CCDC171: variants seen among roughly 807,000 people sequenced by gnomAD.
CCDC171 encodes coiled-coil domain containing 171, also known as coiled-coil domain-containing protein 171.
CCDC171 carries 177 observed loss-of-function variants against 168.2 expected under a neutral mutation model. That is an observed-to-expected ratio of 1.05 (90% CI 0.93 to 1.19). The LOEUF is 1.19. Among genes scored for constraint, CCDC171 ranks in the 50% most tolerant of loss-of-function variants. CCDC171 has a pLI of 0.00. For synonymous variants in CCDC171, 687 were observed against 540.8 expected, an observed-to-expected ratio of 1.27 and a Z score of -3.75; for missense variants, 1,991 against 1,539.0, an observed-to-expected ratio of 1.29 and a Z score of -4.91.
At chr9:15,806,262 G>A (rs1416059980) in intron 21 of CCDC171, among the ~76,000 whole-genome samples, 1 of 150,052 alleles carries the variant, frequency 6.7e-6, no homozygotes, top group Non-Finnish European at 1.5e-5. Flanking sequence ...ATGTGTAGAT[G>A]TGGTCCTGTC....
intron 25 of CCDC171, among the ~76,000 whole-genome samples, chr9:15,952,741 G>A (rs1024679330): frequency 2.6e-5 from 4 of 152,142 alleles, no homozygotes; most frequent in Non-Finnish European, 5.9e-5. Flanking sequence ...ATTTTGATAG[G>A]GAGTGCATCG....
downstream of CCDC171, chr9:16,061,395 A>C (rs752266101): frequency 1.3e-5 from 2 of 152,162 alleles, no homozygotes; most frequent in Non-Finnish European, 2.9e-5. Flanking sequence ...CAAACACTCC[A>C]TTGAGTCTTA....
At chr9:15,715,609 A>G (rs994097701) in intron 11 of CCDC171, among the ~76,000 whole-genome samples, 1 of 152,194 alleles carries the variant, frequency 6.6e-6, no homozygotes, top group African/African-American at 2.4e-5. Context: ...CTCATATCCT[A>G]TATTGATAGC....
intron 3 of CCDC171, among the ~76,000 whole-genome samples, chr9:16,018,187 A>G (rs778065268): frequency 1.2e-4 from 18 of 152,194 alleles, no homozygotes; most frequent in Non-Finnish European, 2.5e-4. Flanking sequence ...TTAGCCTATT[A>G]GATGAATTGT....
At chr9:15,692,413 T>G (rs1291671124) in intron 10 of CCDC171, among the ~76,000 whole-genome samples, 2 of 151,962 alleles carry the variant, frequency 1.3e-5, no homozygotes, top group Non-Finnish European at 2.9e-5. Flanking sequence ...GCTTATTTAC[T>G]TTTTACTCTT....
chr9:15,923,552 A>G (rs1159108303), intron 25 of CCDC171, among the ~76,000 whole-genome samples: 1 of 151,368 alleles, frequency 6.6e-6, no homozygotes, highest in Non-Finnish European at 1.5e-5. Context: ...AATTACAGTT[A>G]GGTAGGAGAA....
chr9:15,934,315 A>C (rs1229140768), intron 25 of CCDC171, among the ~76,000 whole-genome samples: 1 of 149,592 alleles, frequency 6.7e-6, no homozygotes. Context: ...GCTTGAGCCC[A>C]GGAATTGAAG....
intron 4 of CCDC171, among the ~76,000 whole-genome samples, chr9:15,586,002 A>T (rs1319502639): frequency 1.3e-5 from 2 of 152,154 alleles, no homozygotes; most frequent in Non-Finnish European, 2.9e-5. Context: ...AAACTCCTTG[A>T]ACAGTACACT....
At chr9:15,782,222 C>T (rs968654823) in intron 20 of CCDC171, among the ~76,000 whole-genome samples, 1 of 152,194 alleles carries the variant, frequency 6.6e-6, no homozygotes, top group Non-Finnish European at 1.5e-5. Flanking sequence ...AAACATCCTG[C>T]TCACCGAAAG....
intron 7 of CCDC171, among the ~76,000 whole-genome samples, chr9:15,646,095 A>G (rs1379157875): frequency 6.6e-6 from 1 of 152,236 alleles, no homozygotes; most frequent in African/African-American, 2.4e-5. Flanking sequence ...CCAATATTCA[A>G]CATGCTTAAA....
chr9:16,031,038 G>C (rs1379241996), intron 6 of CCDC171, among the ~76,000 whole-genome samples: 1 of 152,200 alleles, frequency 6.6e-6, no homozygotes, highest in African/African-American at 2.4e-5. Context: ...TTGAGTTTAA[G>C]AAATCACTTA....
chr9:15,641,648 A>T (rs1284873576), intron 7 of CCDC171, among the ~76,000 whole-genome samples: 3 of 152,146 alleles, frequency 2.0e-5, no homozygotes, highest in Non-Finnish European at 4.4e-5. Flanking sequence ...TCTTCTCTAT[A>T]TTGCCCTCTT....
chr9:15,757,539 G>A (rs6474966), intron 18 of CCDC171, among the ~76,000 whole-genome samples: 75,407 of 152,034 alleles, frequency 0.5, 19,151 homozygotes, highest in East Asian at 0.76. Flanking sequence ...TGACAATGTG[G>A]TAGACAGAAA....
At chr9:15,586,599 T>C (rs994754407) in intron 4 of CCDC171, among the ~76,000 whole-genome samples, 4 of 152,184 alleles carry the variant, frequency 2.6e-5, no homozygotes, top group African/African-American at 9.7e-5. Context: ...TAGGGTTAGA[T>C]GAAAGCTGTT....
intron 25 of CCDC171, among the ~76,000 whole-genome samples, chr9:15,951,074 G>A (rs10962239): frequency 3.5e-5 from 5 of 141,872 alleles, no homozygotes; most frequent in South Asian, 2.4e-4. Flanking sequence ...GAAGAGCTAG[G>A]TATCCTAAAT....
chr9:15,603,414 C>A (rs143969430), intron 6 of CCDC171, among the ~76,000 whole-genome samples: 3 of 152,148 alleles, frequency 2.0e-5, no homozygotes, highest in Admixed American at 6.6e-5. Flanking sequence ...CTTCACTCCA[C>A]CCTTGACAGG....
At chr9:16,083,509 G>T in the CCDC171 span, among the ~76,000 whole-genome samples, 1 of 152,126 alleles carries the variant, frequency 6.6e-6, no homozygotes, top group African/African-American at 2.4e-5. Context: ...ATATTCCATT[G>T]AGATTTTCAA....
At chr9:15,718,228 C>T (rs1183704839) in intron 11 of CCDC171, among the ~76,000 whole-genome samples, 2 of 152,204 alleles carry the variant, frequency 1.3e-5, no homozygotes, top group African/African-American at 2.4e-5. Context: ...GCAGTGGTGG[C>T]CAGGGGGAGA....
chr9:15,570,777 C>T (rs750181223), intron 2 of CCDC171, among the ~76,000 whole-genome samples: 3 of 152,140 alleles, frequency 2.0e-5, no homozygotes, highest in Admixed American at 6.6e-5. Context: ...AACTCTAGAG[C>T]GCTCTTTCCT....
Sources: gnomAD v4.1 joint callset for allele counts (sites outside exome capture counted in the v4.1 genomes callset) on GRCh38, gnomAD v4.1.1 for gene constraint, MANE v1.5 for transcripts, NCBI Gene and HGNC (gene_info 2026-07-23, HGNC 2026-07-21) for gene names.